PAPPA: variants seen among roughly 807,000 people sequenced by gnomAD.
PAPPA encodes the protein pappalysin 1.
Under a neutral mutation model 164.0 loss-of-function variants are expected in PAPPA, and 60 were observed. The observed-to-expected ratio is 0.37, with a 90% CI of 0.30 to 0.45. The LOEUF (loss-of-function observed/expected upper bound fraction) is 0.45. Among genes scored for constraint, PAPPA ranks in the 20% least tolerant of loss-of-function variants. PAPPA has a pLI of 1.00. For synonymous variants in PAPPA, 875 were observed against 814.1 expected (o/e 1.07, Z -1.27); for missense variants, 1,782 against 2,087.3 (o/e 0.85, Z 2.85).
chr9:116,374,130 G>T (rs1846614002), intron 19 of PAPPA, among the ~76,000 whole-genome samples: 1 of 146,798 alleles, frequency 6.8e-6, no homozygotes. Flanking sequence ...ATGATAAAAA[G>T]AAGATGGTGC....
intron 15 of PAPPA, among the ~76,000 whole-genome samples, chr9:116,352,433 T>C (rs973136897): frequency 2.0e-5 from 3 of 152,188 alleles, no homozygotes; most frequent in Admixed American, 2.0e-4. Context: ...GTCTTTTCTA[T>C]GCAGCAGAAG....
intron 7 of PAPPA, among the ~76,000 whole-genome samples, chr9:116,248,480 A>G (rs1007521537): frequency 1.3e-5 from 2 of 152,176 alleles, no homozygotes; most frequent in African/African-American, 4.8e-5. Context: ...AGCAGGTTAC[A>G]TGTCATGTTG....
chr9:116,281,910 G>A (rs1217010827), intron 9 of PAPPA, among the ~76,000 whole-genome samples: 2 of 152,224 alleles, frequency 1.3e-5, no homozygotes, highest in East Asian at 1.9e-4. Context: ...CACTTTACAC[G>A]AGGAGAAGTT....
chr9:116,224,750 A>T (rs1844484524), intron 5 of PAPPA, among the ~76,000 whole-genome samples: 1 of 152,234 alleles, frequency 6.6e-6, no homozygotes, highest in African/African-American at 2.4e-5. Context: ...ATTAAGTTTA[A>T]ATAGCCACAT....
chr9:116,169,291 C>T (rs946295988), intron 1 of PAPPA, among the ~76,000 whole-genome samples: 8 of 143,330 alleles, frequency 5.6e-5, no homozygotes, highest in African/African-American at 1.8e-4. Flanking sequence ...GGCTGTCCTT[C>T]GGCCTCTCCA....
chr9:116,259,477 T>A (rs756388000), intron 7 of PAPPA, among the ~76,000 whole-genome samples: 4 of 151,490 alleles, frequency 2.6e-5, no homozygotes, highest in Non-Finnish European at 5.9e-5. Context: ...TAATTTAAAA[T>A]AGGCAAAAAG....
chr9:116,235,709 G>A, intron 7 of PAPPA, 72 bp downstream of exon 7: 1 of 1,432,556 alleles, frequency 7.0e-7, no homozygotes, highest in Non-Finnish European at 9.8e-7. Context: ...GGGTCAGAGA[G>A]GCCTGGACAG....
At chr9:116,334,804 C>T (rs766160266) in intron 12 of PAPPA, 57 bp from the exon 13 acceptor site, 202 of 1,332,030 alleles carry the variant, frequency 1.5e-4, no homozygotes, top group Non-Finnish European at 2.0e-4. Context: ...TTGGGGAGGG[C>T]GTGACTGGCC....
Position 116,334,972 on chromosome 9 carries a change from T to C in PAPPA, c.3509T>C (p.Leu1170Pro). Residue 1170 changes from leucine (L) to proline (P), a missense_variant, in exon 13 of 22, where the codon CTG becomes CCG. Leu to Pro is a moderately conservative substitution (Grantham distance 98). This residue lies in a region of PAPPA where 1,324 missense variants were observed against 1,656.9 expected (regional missense o/e 0.80). Transcript: ENST00000328252. ...QAVRVSFSSP[L>P]VAISGVALRS... ...GTACGTGTGAGCTTCAGTTCGCCCC[T>C]GGTCGCCATCTCGGGGGTGGCCCTC... 6.2e-7 allele frequency: 1 copy of C among 1,613,696 alleles called. No individual in the cohort carries two copies. Among genetic ancestry groups the C allele is most frequent in the Non-Finnish European group, 8.5e-7 (1 of 1,179,914 alleles).
At chr9:116,284,100 A>T (rs1845301146) in intron 9 of PAPPA, among the ~76,000 whole-genome samples, 1 of 152,192 alleles carries the variant, frequency 6.6e-6, no homozygotes, top group Admixed American at 6.5e-5. Context: ...TTCATGCTAG[A>T]CACCAAGGAT....
chr9:116,314,091 G>A (rs1351462611), intron 10 of PAPPA, among the ~76,000 whole-genome samples: 1 of 8,624 alleles, frequency 1.2e-4, no homozygotes, highest in African/African-American at 3.4e-4. Context: ...TTTTTTTTTT[G>A]AGATGGAGTC....
chr9:116,342,146 G>A (rs1846146556), intron 13 of PAPPA, among the ~76,000 whole-genome samples: 1 of 152,220 alleles, frequency 6.6e-6, no homozygotes, highest in Admixed American at 6.5e-5. Context: ...TGCCCAAACT[G>A]TTAGGCACAG....
intron 7 of PAPPA, among the ~76,000 whole-genome samples, chr9:116,256,831 C>T (rs912358336): frequency 1.3e-5 from 2 of 151,732 alleles, no homozygotes; most frequent in African/African-American, 4.8e-5. Context: ...TCTTGAACAA[C>T]ACAAAAAAGT....
chr9:116,237,720 CTTTTTT>C (rs545555923), intron 7 of PAPPA, among the ~76,000 whole-genome samples: 1 of 145,196 alleles, frequency 6.9e-6, no homozygotes, highest in African/African-American at 2.5e-5. Flanking sequence ...TTCTCTCTCT[CTTTTTT>C]TTTTTTTCTT....
intron 21 of PAPPA, among the ~76,000 whole-genome samples, chr9:116,389,306 T>C (rs749852152): frequency 1.2e-4 from 19 of 152,058 alleles, no homozygotes; most frequent in Non-Finnish European, 2.2e-4. Flanking sequence ...CTAATTTTTG[T>C]ATTTTTAGTA....
intron 10 of PAPPA, among the ~76,000 whole-genome samples, chr9:116,326,218 T>C (rs1845919107): frequency 6.6e-6 from 1 of 152,206 alleles, no homozygotes; most frequent in Admixed American, 6.5e-5. Flanking sequence ...CCACACCTGC[T>C]CTTTGCCTAG....
intron 1 of PAPPA, among the ~76,000 whole-genome samples, chr9:116,165,613 A>G (rs997350476): frequency 6.6e-6 from 1 of 152,202 alleles, no homozygotes; most frequent in Non-Finnish European, 1.5e-5. Flanking sequence ...TCCAACAGTC[A>G]CATCTGTCCA....
At chr9:116,268,890 A>G (rs1378033466) in intron 8 of PAPPA, among the ~76,000 whole-genome samples, 5 of 151,960 alleles carry the variant, frequency 3.3e-5, no homozygotes, top group Non-Finnish European at 7.4e-5. Flanking sequence ...AAGAAGGGAT[A>G]TCATCTTAGC....
chr9:116,185,767 T>A (rs950105568), intron 1 of PAPPA, among the ~76,000 whole-genome samples: 2 of 152,212 alleles, frequency 1.3e-5, no homozygotes, highest in African/African-American at 4.8e-5. Context: ...CCAGAGAGAA[T>A]CTGCTAACCT....
Sources: gnomAD v4.1 joint callset for allele counts (sites outside exome capture counted in the v4.1 genomes callset) on GRCh38, gnomAD v4.1.1 for gene constraint, gnomAD v4.1.1 regional missense constraint, MANE v1.5 for transcripts, NCBI Gene and HGNC (gene_info 2026-07-23, HGNC 2026-07-21) for gene names.